The following APOOL variants were observed in gnomAD, a reference collection of about 807,000 sequenced individuals.
APOOL encodes the protein apolipoprotein O like.
APOOL carries 12 observed loss-of-function variants against 23.1 expected under a neutral mutation model. The observed-to-expected ratio is 0.52, with a 90% CI of 0.33 to 0.84. APOOL has a LOEUF of 0.84. APOOL is among the 40% of genes least tolerant of loss of function. The probability of loss-of-function intolerance (pLI) is 0.02; values close to 1 mark genes in which losing one functional copy is unlikely to be tolerated. For missense variants in APOOL, 212 were observed against 199.6 expected (o/e 1.06, Z -0.37); for synonymous variants, 77 against 69.9 (o/e 1.10, Z -0.51).
chrX:85,078,859 A>G (rs187415238), intron 8 of APOOL, among the ~76,000 whole-genome samples: 1 of 111,251 alleles, frequency 9.0e-6, no homozygotes, highest in Non-Finnish European at 1.9e-5. Context: ...GCAATTGTGA[A>G]TGGGAATTCA....
intron 1 of APOOL, among the ~76,000 whole-genome samples, chrX:85,034,567 C>G (rs1602752475): frequency 9.0e-6 from 1 of 110,547 alleles, no homozygotes; most frequent in Non-Finnish European, 1.9e-5. Flanking sequence ...ATCCCATCAC[C>G]CAGGTAGTGA....
intron 1 of APOOL, among the ~76,000 whole-genome samples, chrX:85,006,617 A>G (rs1399924654): frequency 1.8e-5 from 2 of 111,102 alleles, no homozygotes; most frequent in African/African-American, 6.5e-5. Flanking sequence ...CTTTGGAGAC[A>G]AGGGAAAATG....
chrX:85,026,958 CTT>C (rs1047048989), intron 1 of APOOL, among the ~76,000 whole-genome samples: 12 of 111,965 alleles, frequency 1.1e-4, no homozygotes, highest in African/African-American at 3.9e-4. Flanking sequence ...TTTCAGGTAT[CTT>C]TATAGCAATG....
intron 1 of APOOL, among the ~76,000 whole-genome samples, chrX:85,007,538 C>T (rs769215090): frequency 2.7e-5 from 3 of 111,457 alleles, no homozygotes; most frequent in Admixed American, 9.5e-5. Flanking sequence ...GAAGGTGAAA[C>T]GATTTCTAAT....
intron 1 of APOOL, among the ~76,000 whole-genome samples, chrX:85,043,373 G>A (rs1470257645): frequency 9.5e-6 from 1 of 105,355 alleles, no homozygotes; most frequent in Non-Finnish European, 1.9e-5. Flanking sequence ...ATAACTTTTT[G>A]AATATCTTAT....
intron 6 of APOOL, among the ~76,000 whole-genome samples, chrX:85,071,089 C>T (rs1157115698): frequency 8.9e-6 from 1 of 111,908 alleles, no homozygotes; most frequent in East Asian, 2.8e-4. Flanking sequence ...ACTGTTTGAT[C>T]TCACTTATAT....
At chrX:85,069,265 G>T (rs1057351625) in intron 6 of APOOL, among the ~76,000 whole-genome samples, 1 of 110,286 alleles carries the variant, frequency 9.1e-6, no homozygotes, top group Non-Finnish European at 1.9e-5. Flanking sequence ...GAAAAGTCAC[G>T]TATGTACAAG....
chrX:85,046,981 G>T (rs1429216946), intron 2 of APOOL, among the ~76,000 whole-genome samples: 1 of 110,965 alleles, frequency 9.0e-6, no homozygotes, highest in Non-Finnish European at 1.9e-5. Context: ...ACATTTAGTG[G>T]CCATATATCT....
At position 85,026,558 on chromosome X, in the gene APOOL, T is replaced by C; in HGVS notation, c.16-19888T>C. On this transcript the variant is annotated intron_variant, in intron 1 of 8. Transcript: ENST00000373173. ...GCTCTGCCTTCTGTTTAAATGTAAT[T>C]TCTAACTTTAAGTCATTTATTAGTT... Among the ~76,000 whole-genome samples the C allele has an allele frequency of 3.5e-5, 4 of 112,925 alleles. No individual in the cohort carries two copies. The Middle Eastern group carries it at 0.018, about 516-fold the overall frequency.
intron 6 of APOOL, among the ~76,000 whole-genome samples, chrX:85,069,737 G>A (rs1923599654): frequency 9.4e-6 from 1 of 106,719 alleles, no homozygotes; most frequent in South Asian, 4.1e-4. Flanking sequence ...CATATCTGTA[G>A]TATGTCTTCT....
At chrX:85,080,936 A>G (rs1028781772) in intron 8 of APOOL, among the ~76,000 whole-genome samples, 2 of 110,190 alleles carry the variant, frequency 1.8e-5, no homozygotes, top group East Asian at 2.9e-4. Flanking sequence ...TTTGCTTTCC[A>G]TCTGCTTGTT....
Position 85,021,694 on chromosome X carries a change from AAAAC to A in APOOL, c.15+17783_15+17786del, listed in dbSNP as rs988707629. ...AATGTTACACCTCAAGAAGCTAGGA[AAAAC>A]AAACAAACAAACAAAAACTAAGCCC... On this transcript the variant is annotated intron_variant, in intron 1 of 8. Coordinates refer to ENST00000373173, the MANE Select transcript of APOOL (RefSeq NM_198450.6). Among the ~76,000 whole-genome samples the A allele has an allele frequency of 3.2e-4, 36 of 112,023 alleles. No individual in the cohort carries two copies. The Middle Eastern group carries it at 0.014, about 43-fold the overall frequency.
intron 1 of APOOL, among the ~76,000 whole-genome samples, chrX:85,022,168 G>A (rs892532793): frequency 1.8e-5 from 2 of 112,212 alleles, no homozygotes; most frequent in African/African-American, 3.2e-5. Context: ...TTTAAAAAAG[G>A]AGTAATACCA....
At chrX:85,026,534 C>T (rs995619923) in intron 1 of APOOL, among the ~76,000 whole-genome samples, 5 of 112,982 alleles carry the variant, frequency 4.4e-5, no homozygotes, top group African/African-American at 1.6e-4. Context: ...AGCTTTTATG[C>T]TCTGCCTTCT....
intron 2 of APOOL, among the ~76,000 whole-genome samples, chrX:85,048,363 C>T (rs1201820266): frequency 4.5e-5 from 5 of 111,160 alleles, no homozygotes; most frequent in Non-Finnish European, 7.6e-5. Context: ...ATCTGGACAG[C>T]TCAAATCTAG....
intron 8 of APOOL, 95 bp downstream of exon 8, chrX:85,074,486 C>G (rs1464025888): frequency 2.0e-6 from 2 of 992,463 alleles, no homozygotes; most frequent in East Asian, 6.6e-5. Flanking sequence ...GTGTTCTCCC[C>G]ATAAATATTT....
chrX:85,023,115 C>T lies in APOOL; in HGVS notation c.15+19188C>T, dbSNP rs373442341. Among the ~76,000 whole-genome samples the T allele has an allele frequency of 3.6e-5, 4 of 111,595 alleles. No homozygotes were observed. The South Asian group carries it at 1.5e-3, about 42-fold the overall frequency. Reference sequence around the variant, plus strand: ...TATAAATTACCCAGTCTCAGATATTCCTTCATAACAACACAAAAGGACTAA... The same window carrying T: ...TATAAATTACCCAGTCTCAGATATTTCTTCATAACAACACAAAAGGACTAA... On this transcript the variant is annotated intron_variant, in intron 1 of 8. Transcript: ENST00000373173.
chrX:85,055,976 G>T, intron 5 of APOOL, 51 bp downstream of exon 5: 1 of 959,933 alleles, frequency 1.0e-6, no homozygotes, highest in South Asian at 2.5e-5. Context: ...ATTAGTTTCT[G>T]AATTTTGTGG....
chrX:85,049,596 C>G (rs770526070), intron 2 of APOOL, among the ~76,000 whole-genome samples: 1 of 110,827 alleles, frequency 9.0e-6, no homozygotes, highest in East Asian at 2.8e-4. Flanking sequence ...CCAGTCTGGG[C>G]AACAGGGTGA....
Sources: gnomAD v4.1 joint callset for allele counts (sites outside exome capture counted in the v4.1 genomes callset) on GRCh38, gnomAD v4.1.1 for gene constraint, MANE v1.5 for transcripts, NCBI Gene and HGNC (gene_info 2026-07-23, HGNC 2026-07-21) for gene names.